The following BTBD8 variants were observed in gnomAD, a reference collection of about 807,000 sequenced individuals.
BTBD8 encodes BTB domain containing 8, also known as BTB/POZ domain-containing protein 8.
Under a neutral mutation model 162.9 loss-of-function variants are expected in BTBD8, and 110 were observed. The ratio of observed to expected loss-of-function variants is 0.68; its 90% CI spans 0.58 to 0.79. The LOEUF is 0.79. BTBD8 is among the 30% of genes least tolerant of loss of function. The pLI, the probability that BTBD8 is intolerant of heterozygous loss-of-function variation, is 0.00. For missense variants in BTBD8, 1,905 were observed against 2,085.4 expected (o/e 0.91, Z 1.68); for synonymous variants, 667 against 716.1 (o/e 0.93, Z 1.10).
At chr1:92,140,958 C>A (rs751768377) in intron 6 of BTBD8, among the ~76,000 whole-genome samples, 157 bp from the exon 7 acceptor site, 1 of 152,134 alleles carries the variant, frequency 6.6e-6, no homozygotes, top group African/African-American at 2.4e-5. Flanking sequence ...TGTTTATAAT[C>A]CATAAAGGGT....
intron 9 of BTBD8, among the ~76,000 whole-genome samples, chr1:92,157,237 G>A (rs1650180363): frequency 6.6e-6 from 1 of 152,004 alleles, no homozygotes; most frequent in Non-Finnish European, 1.5e-5. Context: ...CTAGTCTTCT[G>A]TTGATTTCTA....
intron 1 of BTBD8, among the ~76,000 whole-genome samples, chr1:92,086,936 G>A (rs1648177964): frequency 6.6e-6 from 1 of 152,134 alleles, no homozygotes; most frequent in South Asian, 2.1e-4. Flanking sequence ...AGCACAAATG[G>A]ACTAAGATAG....
chr1:92,160,597 C>T (rs974421715), intron 9 of BTBD8, among the ~76,000 whole-genome samples: 1 of 151,912 alleles, frequency 6.6e-6, no homozygotes, highest in South Asian at 2.1e-4. Flanking sequence ...TATCCTGGGT[C>T]CTATCAGTGC....
chr1:92,176,788 AT>A (rs773006488), intron 13 of BTBD8, 40 bp from the exon 14 acceptor site: 6 of 981,880 alleles, frequency 6.1e-6, no homozygotes, highest in Non-Finnish European at 8.5e-6. Flanking sequence ...TATGTTAAAG[AT>A]TTCAGTCAAA....
chr1:92,080,895 G>T (rs1449850569), intron 1 of BTBD8, among the ~76,000 whole-genome samples, 175 bp downstream of exon 1: 1 of 152,080 alleles, frequency 6.6e-6, no homozygotes, highest in Admixed American at 6.6e-5. Flanking sequence ...GGCTTCGCTC[G>T]CCCTGAATAA....
In BTBD8 at chr1:92,171,377, A is replaced by G. The variant is rs1010055954; in HGVS notation, c.1574-22A>G. The stretch of plus-strand genomic sequence containing the variant: ...TAATAATAATGTTCCTTATAAAAAC[A>G]AATTGCTGTTTCTTTCTACAGCTGC... On this transcript the variant is annotated intron_variant, in intron 12 of 17. Transcript: ENST00000636805. 3.3e-6 allele frequency: 5 copies of G among 1,532,778 alleles called. No homozygotes were observed. The African/African-American group carries it at 6.9e-5, about 21-fold the overall frequency. 94.9% of individuals were successfully genotyped at this position (1,532,778 alleles called of 1,614,324 possible). A position where few individuals can be genotyped will look rare whatever the true frequency, so the allele number is the denominator to read the frequency against.
chr1:92,118,423 A>C (rs916562858), intron 4 of BTBD8, among the ~76,000 whole-genome samples: 2 of 151,880 alleles, frequency 1.3e-5, no homozygotes, highest in Non-Finnish European at 2.9e-5. Context: ...GAAGACCACA[A>C]AGATAAAGGG....
chr1:92,182,319 A>G lies in BTBD8; in HGVS notation c.4636A>G (p.Ser1546Gly), dbSNP rs1299691164. Reference protein sequence around the residue: ...KNTIDVLSSRSRQLLREDKKV... With the variant: ...KNTIDVLSSRGRQLLREDKKV... ...CACAATAGACGTCCTATCCAGTAGA[A>G]GCAGACAGCTTCTTCGAGAAGATAA... Residue 1546 changes from serine (S) to glycine (G), a missense_variant, in exon 17 of 18, where the codon AGC (serine) becomes GGC (glycine). Coordinates refer to ENST00000636805, the MANE Select transcript of BTBD8 (RefSeq NM_001376131.1). The G allele has an allele frequency of 1.9e-6, 3 of 1,551,058 alleles. No individual in the cohort carries two copies. Among genetic ancestry groups the G allele is most frequent in the Non-Finnish European group, 2.6e-6 (3 of 1,146,814 alleles).
chr1:92,144,516 G>A (rs1392769581), intron 7 of BTBD8, among the ~76,000 whole-genome samples: 8 of 149,602 alleles, frequency 5.3e-5, no homozygotes, highest in South Asian at 2.1e-4. Context: ...CCAATTAAAA[G>A]TATACTTTAG....
intron 2 of BTBD8, among the ~76,000 whole-genome samples, chr1:92,095,827 T>C (rs1648434499): frequency 6.6e-6 from 1 of 152,218 alleles, no homozygotes; most frequent in Admixed American, 6.5e-5. Context: ...TAAATAGTGC[T>C]GTTATCAATA....
chr1:92,102,502 A>G lies in BTBD8; in HGVS notation c.377A>G (p.Lys126Arg). ...ATATATTCATCAAACAGAAACATAAAAAACTATGAAGAGGAAATTCTTAGG... is the reference window on the plus strand; with the variant it reads ...ATATATTCATCAAACAGAAACATAAGAAACTATGAAGAGGAAATTCTTAGG... ...QIIYSSNRNI[K>R]NYEEEILRKK... The change falls in exon 3 of 18, where the codon AAA becomes AGA. Residue 126 changes from lysine to arginine, a missense_variant. Lys to Arg is a conservative substitution (Grantham distance 26, BLOSUM62 2). This residue lies in a region of BTBD8 where 1,374 missense variants were observed against 1,442.7 expected (regional missense o/e 0.95). Coordinates refer to ENST00000636805, the MANE Select transcript of BTBD8 (RefSeq NM_001376131.1). 6.5e-7 allele frequency: 1 copy of G among 1,545,270 alleles called. No homozygotes were observed. Among genetic ancestry groups the G allele is most frequent in the Non-Finnish European group, 8.7e-7 (1 of 1,149,052 alleles).
intron 9 of BTBD8, among the ~76,000 whole-genome samples, chr1:92,162,990 A>G (rs571610800): frequency 9.9e-5 from 15 of 152,284 alleles, no homozygotes; most frequent in African/African-American, 3.6e-4. Flanking sequence ...GGACTATGAC[A>G]TGGCTATTAA....
intron 4 of BTBD8, among the ~76,000 whole-genome samples, chr1:92,121,899 G>A (rs959522880): frequency 5.3e-5 from 8 of 150,390 alleles, no homozygotes; most frequent in South Asian, 2.1e-4. Context: ...TTGAGCTCCT[G>A]GGCTTAAGGG....
At chr1:92,147,558 T>C in intron 8 of BTBD8, 126 bp from the exon 9 acceptor site, 1 of 687,442 alleles carries the variant, frequency 1.5e-6, no homozygotes, top group Non-Finnish European at 2.4e-6. Context: ...ATTTTAGGGT[T>C]CATAAAATTA....
At chr1:92,086,699 A>G (rs1321686664) in intron 1 of BTBD8, among the ~76,000 whole-genome samples, 1 of 152,144 alleles carries the variant, frequency 6.6e-6, no homozygotes, top group Non-Finnish European at 1.5e-5. Context: ...GAAATGATTA[A>G]GCCAAGAGGG....
rs113360808 is a variant in BTBD8 at position 92,163,627 on chromosome 1, G to A, written c.1123-3331G>A. On this transcript the variant is annotated intron_variant, in intron 9 of 17. Transcript: ENST00000636805. ...AGGTTTATTGTTTATTGTGAAGAGC[G>A]AAAGGACAAAGCTTCCACAGTGTGG... Among the ~76,000 whole-genome samples, 448 of 151,640 alleles carry A rather than the reference G, an allele frequency of 3.0e-3. 1 individual carries two copies. The highest frequency in any genetic ancestry group is 9.6e-3 in the African/African-American group (397 of 41,346).
intron 1 of BTBD8, among the ~76,000 whole-genome samples, chr1:92,086,903 A>G (rs1281864866): frequency 6.6e-6 from 1 of 152,140 alleles, no homozygotes; most frequent in Admixed American, 6.5e-5. Flanking sequence ...TAAATTACCT[A>G]TCCTGTGGTA....
rs777353261 is a variant in BTBD8, at chr1:92,184,066, C to G, written c.5115C>G (p.Leu1705=). ...ATTGGACACTACTAAAGCAACTGCT[C>G]TCTGAACAGGATTCAAACTTAGATG... ...KQDWTLLKQL[L]SEQDSNLDVT... is the part of the protein sequence containing the mutation. Residue 1705 remains leucine, a synonymous_variant, in exon 18 of 18, where the codon CTC becomes CTG. Coordinates refer to ENST00000636805, the MANE Select transcript of BTBD8 (RefSeq NM_001376131.1). 6.4e-6 allele frequency: 10 copies of G among 1,551,664 alleles called. No homozygotes were observed. Among genetic ancestry groups the G allele is most frequent in the South Asian group, 2.4e-5 (2 of 84,050 alleles).
chr1:92,099,528 AAC>A (rs1439279323), intron 2 of BTBD8, among the ~76,000 whole-genome samples: 1 of 151,984 alleles, frequency 6.6e-6, no homozygotes, highest in Non-Finnish European at 1.5e-5. Context: ...CTAATCCGTG[AAC>A]ACGAGATGTG....
Sources: gnomAD v4.1 joint callset for allele counts (sites outside exome capture counted in the v4.1 genomes callset) on GRCh38, gnomAD v4.1.1 for gene constraint, gnomAD v4.1.1 regional missense constraint, MANE v1.5 for transcripts, NCBI Gene and HGNC (gene_info 2026-07-23, HGNC 2026-07-21) for gene names.